Variants in PRKG1 observed in about 807,000 individuals in gnomAD.
The protein encoded by PRKG1 is cGMP-dependent protein kinase 1.
Under a neutral mutation model 88.1 loss-of-function variants are expected in PRKG1, and 35 were observed. The ratio of observed to expected loss-of-function variants is 0.40; its 90% CI spans 0.30 to 0.53. The LOEUF is 0.53. Ranked by LOEUF, PRKG1 falls within the 20% of genes least tolerant of loss-of-function variation. The probability of loss-of-function intolerance (pLI) is 0.59; values close to 1 mark genes in which losing one functional copy is unlikely to be tolerated. For missense variants in PRKG1, 540 were observed against 839.8 expected (o/e 0.64, Z 4.41); for synonymous variants, 303 against 292.5 (o/e 1.04, Z -0.37).
chr10:52,206,732 C>T (rs1015911082), intron 9 of PRKG1, among the ~76,000 whole-genome samples: 15 of 152,200 alleles, frequency 9.9e-5, no homozygotes, highest in African/African-American at 3.6e-4. Context: ...TGCTAGAGGG[C>T]TGGTACTGGG....
At chr10:52,130,361 G>A (rs1174613271) in intron 7 of PRKG1, among the ~76,000 whole-genome samples, 1 of 152,022 alleles carries the variant, frequency 6.6e-6, no homozygotes, top group Non-Finnish European at 1.5e-5. Context: ...CATGGAAATT[G>A]CATTCAACTT....
At chr10:51,671,572 T>TTCTCTCTC (rs775680768) in intron 3 of PRKG1, among the ~76,000 whole-genome samples, 2 of 151,090 alleles carry the variant, frequency 1.3e-5, no homozygotes, top group African/African-American at 4.9e-5. Context: ...GTGCCTCTTC[T>TTCTCTCTC]TCTCTCTCTC....
intron 5 of PRKG1, among the ~76,000 whole-genome samples, chr10:52,011,408 T>C (rs1325361872): frequency 1.3e-5 from 2 of 152,168 alleles, no homozygotes; most frequent in African/African-American, 4.8e-5. Context: ...AAAGCAGACA[T>C]GCATAATTCT....
chr10:52,149,463 A>G (rs1837839906), intron 8 of PRKG1, among the ~76,000 whole-genome samples: 1 of 152,094 alleles, frequency 6.6e-6, no homozygotes, highest in African/African-American at 2.4e-5. Context: ...ATTTTGAGAC[A>G]GGGCCTTTCA....
At chr10:51,772,708 T>C (rs4935020) in intron 3 of PRKG1, among the ~76,000 whole-genome samples, 80,619 of 151,736 alleles carry the variant, frequency 0.53, 22,242 homozygotes, top group African/African-American at 0.64. Context: ...ATAATTATGG[T>C]CACAGAGATT....
At chr10:52,116,744 T>G (rs1188302221) in intron 7 of PRKG1, among the ~76,000 whole-genome samples, 1 of 152,168 alleles carries the variant, frequency 6.6e-6, no homozygotes, top group East Asian at 1.9e-4. Context: ...ATTGAGGGCT[T>G]CAGTATGTCA....
At position 51,925,759 on chromosome 10, in the gene PRKG1, A is replaced by G. The variant is rs1842560823; in HGVS notation, c.762+18189A>G. Among the ~76,000 whole-genome samples, 3 of 152,226 alleles carry G rather than the reference A, an allele frequency of 2.0e-5. No homozygotes were observed. The South Asian group carries it at 6.2e-4, about 32-fold the overall frequency. On this transcript the variant is annotated intron_variant, in intron 5 of 17. Transcript: ENST00000373980. ...TGATGGAAGTGTGGAGTTGCCCCTA[A>G]AACTGAACCCCATAGTCTGTCTTTC...
chr10:51,135,944 A>G (rs867118217), intron 1 of PRKG1, among the ~76,000 whole-genome samples: 1 of 124,340 alleles, frequency 8.0e-6, no homozygotes, highest in East Asian at 2.8e-4. Context: ...GAAGGGGAAC[A>G]TCACACTCTG....
intron 3 of PRKG1, among the ~76,000 whole-genome samples, chr10:51,730,810 G>C (rs1193276779): frequency 6.6e-6 from 1 of 152,180 alleles, no homozygotes; most frequent in Non-Finnish European, 1.5e-5. Context: ...AAATTTAAAA[G>C]AATAACAGAT....
chr10:51,438,705 T>A (rs1348709425), intron 2 of PRKG1, among the ~76,000 whole-genome samples: 3 of 151,972 alleles, frequency 2.0e-5, no homozygotes, highest in African/African-American at 7.2e-5. Flanking sequence ...TTTTGCTCAG[T>A]ACTTAGTTCT....
Position 50,991,390 on chromosome 10 carries a change from A to G in PRKG1, c.12A>G (p.Leu4=), listed in dbSNP as rs1257574957. ...GGCTCAGTGAAAAAATGAGCGAGCT[A>G]GAGGAAGACTTTGCCAAGATTCTCA... is the stretch of plus-strand genomic sequence containing the variant. Residue 4 remains leucine (L), a synonymous_variant, in exon 1 of 18, where the codon CTA becomes CTG. Transcript: ENST00000401604. The surrounding 1 kb of genome is among the most constrained non-coding windows in gnomAD (Gnocchi z 4.5). The G allele has an allele frequency of 1.9e-6, 3 of 1,545,828 alleles. No homozygotes were observed. The highest frequency in any genetic ancestry group is 8.7e-7 in the Non-Finnish European group (1 of 1,145,936).
chr10:51,200,654 A>G (rs1837890217), intron 2 of PRKG1, among the ~76,000 whole-genome samples: 2 of 152,186 alleles, frequency 1.3e-5, no homozygotes, highest in South Asian at 4.1e-4. Context: ...CTGCTTGCTG[A>G]ATTATTGCAA....
chr10:51,452,716 C>T (rs1295481037), intron 2 of PRKG1, among the ~76,000 whole-genome samples: 2 of 151,870 alleles, frequency 1.3e-5, no homozygotes, highest in Non-Finnish European at 2.9e-5. Flanking sequence ...AAAATTGTTG[C>T]ATCTGTGTTC....
intron 4 of PRKG1, among the ~76,000 whole-genome samples, chr10:51,838,220 A>G (rs867357139): frequency 3.3e-5 from 5 of 152,352 alleles, no homozygotes; most frequent in Middle Eastern, 6.8e-3. Context: ...CTAAGTTTTA[A>G]TAATATATGT....
At chr10:51,596,256 G>A (rs1438643745) in intron 3 of PRKG1, among the ~76,000 whole-genome samples, 3 of 152,156 alleles carry the variant, frequency 2.0e-5, no homozygotes, top group African/African-American at 7.2e-5. Context: ...GAGGTTGGTA[G>A]TCAAAAAATA....
intron 2 of PRKG1, among the ~76,000 whole-genome samples, chr10:51,291,587 C>CTTGCAA (rs1455072303): frequency 1.3e-5 from 2 of 152,108 alleles, no homozygotes; most frequent in Non-Finnish European, 2.9e-5. Flanking sequence ...GAATGGCTAC[C>CTTGCAA]TTGCAATCAA....
intron 3 of PRKG1, among the ~76,000 whole-genome samples, chr10:51,474,030 G>A (rs1412595198): frequency 6.6e-6 from 1 of 151,942 alleles, no homozygotes; most frequent in East Asian, 1.9e-4. Context: ...ATAGGTCAGG[G>A]TCAGGATGAA....
chr10:51,465,031 AAATT>A (rs1839861746), intron 2 of PRKG1, among the ~76,000 whole-genome samples: 1 of 152,238 alleles, frequency 6.6e-6, no homozygotes. Flanking sequence ...ATTTGTTAGA[AAATT>A]AATTGTCAGT....
intron 2 of PRKG1, among the ~76,000 whole-genome samples, chr10:51,205,559 T>A (rs1356845423): frequency 6.6e-6 from 1 of 151,624 alleles, no homozygotes; most frequent in Non-Finnish European, 1.5e-5. Context: ...TTTCTTGAGA[T>A]AGAGTTTTGC....
Sources: allele counts gnomAD v4.1 joint callset (sites outside exome capture counted in the v4.1 genomes callset), GRCh38; gene constraint gnomAD v4.1.1; non-coding constraint Gnocchi (gnomAD v3.1); transcripts MANE v1.5; gene names NCBI Gene and HGNC (gene_info 2026-07-23, HGNC 2026-07-21).